Variants in RFX3 observed in about 807,000 individuals in gnomAD.
The protein encoded by RFX3 is transcription factor RFX3.
A neutral mutation model predicts 98.6 loss-of-function variants in RFX3; 14 were observed. That is an observed-to-expected ratio of 0.14 (90% CI 0.09 to 0.22). The LOEUF (loss-of-function observed/expected upper bound fraction) is 0.22, where lower values mean the gene tolerates loss of function less well. Among genes scored for constraint, RFX3 ranks in the 10% least tolerant of loss-of-function variants. The pLI, the probability that RFX3 is intolerant of heterozygous loss-of-function variation, is 1.00. For missense variants in RFX3, 639 were observed against 926.9 expected (o/e 0.69, Z 4.03); for synonymous variants, 383 against 328.4 (o/e 1.17, Z -1.80).
At chr9:3,474,063 T>G (rs867088474) in intron 1 of RFX3, among the ~76,000 whole-genome samples, 3 of 152,186 alleles carry the variant, frequency 2.0e-5, no homozygotes, top group African/African-American at 7.2e-5. Context: ...GAAATTCCCA[T>G]GATGCTGAGG....
chr9:3,451,767 T>C (rs1369282705), intron 1 of RFX3, among the ~76,000 whole-genome samples: 1 of 152,084 alleles, frequency 6.6e-6, no homozygotes, highest in Non-Finnish European at 1.5e-5. Flanking sequence ...GGGAACTCTG[T>C]TTAATATCTT....
chr9:3,398,604 C>T (rs573185344), intron 1 of RFX3, among the ~76,000 whole-genome samples: 1 of 152,120 alleles, frequency 6.6e-6, no homozygotes, highest in Non-Finnish European at 1.5e-5. Context: ...TATAGCTTCT[C>T]CTTTAAGCTG....
intron 11 of RFX3, 81 bp from the exon 12 acceptor site, chr9:3,266,386 C>A: frequency 2.4e-6 from 2 of 827,104 alleles, no homozygotes; most frequent in South Asian, 3.1e-5. Context: ...AGAAAATGCT[C>A]GTACACAATA....
chr9:3,500,080 C>G (rs1182744164), intron 1 of RFX3, among the ~76,000 whole-genome samples: 1 of 151,926 alleles, frequency 6.6e-6, no homozygotes, highest in Non-Finnish European at 1.5e-5. Context: ...CTAAAAGTAC[C>G]CCAGAGCAAC....
At chr9:3,247,320 A>C in intron 15 of RFX3, 1 of 987,198 alleles carries the variant, frequency 1.0e-6, no homozygotes, top group Non-Finnish European at 1.2e-6. Flanking sequence ...TCTGAAGAAG[A>C]GAATTTTCCC....
At chr9:3,235,907 G>T (rs888089041) in intron 15 of RFX3, among the ~76,000 whole-genome samples, 3 of 152,034 alleles carry the variant, frequency 2.0e-5, no homozygotes, top group Non-Finnish European at 4.4e-5. Context: ...ACAGGTTCCA[G>T]GGATTAAGAT....
At position 3,330,335 on chromosome 9, in the gene RFX3, C is replaced by T; in HGVS notation, c.398G>A (p.Gly133Glu). 1 of 1,614,128 alleles carries T rather than the reference C, an allele frequency of 6.2e-7. No homozygotes were observed. Among genetic ancestry groups the T allele is most frequent in the Non-Finnish European group, 8.5e-7 (1 of 1,180,014 alleles). ...CATTGAGTTGCCGATCAGATAGGTT[C>T]CTCCAGAGCTGCTGATGAGTTGTCC... ...TGGQLISSSG[G>E]TYLIGNSMEN... Residue 133 changes from glycine to glutamate, a missense_variant, in exon 4 of 17, where the codon GGA (glycine) becomes GAA (glutamate). By Grantham distance (98) the Gly-to-Glu change is moderately conservative. Coordinates refer to ENST00000617270, the MANE Select transcript of RFX3 (RefSeq NM_001282116.2).
At chr9:3,467,458 T>C (rs1226829083) in intron 1 of RFX3, among the ~76,000 whole-genome samples, 1 of 151,592 alleles carries the variant, frequency 6.6e-6, no homozygotes, top group Non-Finnish European at 1.5e-5. Context: ...ACTGAGAAAG[T>C]ATTTTAAAAC....
intron 1 of RFX3, among the ~76,000 whole-genome samples, chr9:3,491,824 GTATAT>G (rs1850742354): frequency 6.6e-6 from 1 of 152,040 alleles, no homozygotes. Context: ...GTTCCTTCTT[GTATAT>G]TATTCAATTA....
chr9:3,467,460 T>C (rs1279617847), intron 1 of RFX3, among the ~76,000 whole-genome samples: 1 of 151,640 alleles, frequency 6.6e-6, no homozygotes. Flanking sequence ...TGAGAAAGTA[T>C]TTTAAAACCT....
chr9:3,233,154 C>T (rs1818703734), intron 15 of RFX3, among the ~76,000 whole-genome samples: 1 of 152,182 alleles, frequency 6.6e-6, no homozygotes, highest in African/African-American at 2.4e-5. Context: ...ATGCATGCTC[C>T]AGGCAGCCAG....
At position 3,397,278 on chromosome 9, in the gene RFX3, T is replaced by C. The variant is rs191031597; in HGVS notation, c.-8-1682A>G. Among the ~76,000 whole-genome samples the C allele has an allele frequency of 2.1e-4, 32 of 152,364 alleles. No individual in the cohort carries two copies. The East Asian group carries it at 5.0e-3, about 24-fold the overall frequency. On this transcript the variant is annotated intron_variant, in intron 1 of 16. Transcript: ENST00000617270. ...CCTTGCTATTGAGCAAAGACCAGAT[T>C]TCTAGTTTTCTTTCCTGGAGGAATG...
intron 1 of RFX3, among the ~76,000 whole-genome samples, chr9:3,482,279 G>C (rs1000330731): frequency 2.0e-4 from 31 of 151,686 alleles, no homozygotes; most frequent in Admixed American, 1.5e-3. Flanking sequence ...TTGATTTGTA[G>C]GAGAAAAGAG....
At chr9:3,366,717 T>TC (rs756141864) in intron 2 of RFX3, among the ~76,000 whole-genome samples, 1 of 143,706 alleles carries the variant, frequency 7.0e-6, no homozygotes, top group African/African-American at 2.6e-5. Context: ...TTTCTTTCTT[T>TC]CTTTCTTTCT....
intron 2 of RFX3, among the ~76,000 whole-genome samples, chr9:3,353,352 C>CTAAAA (rs940125777): frequency 6.6e-6 from 1 of 151,534 alleles, no homozygotes; most frequent in Non-Finnish European, 1.5e-5. Flanking sequence ...TATAATAATA[C>CTAAAA]TAAAATAAAA....
chr9:3,424,174 C>G (rs1166790017), intron 1 of RFX3, among the ~76,000 whole-genome samples: 1 of 150,910 alleles, frequency 6.6e-6, no homozygotes, highest in East Asian at 2.0e-4. Context: ...AACTAGGAGG[C>G]TGTCCCTGGT....
chr9:3,437,400 T>G (rs550699719), intron 1 of RFX3, among the ~76,000 whole-genome samples: 3 of 152,226 alleles, frequency 2.0e-5, no homozygotes, highest in African/African-American at 7.2e-5. Context: ...TACCACATTC[T>G]GCTTCTTTGA....
At chr9:3,248,259 T>TA (rs975160179) in intron 14 of RFX3, 74 bp from the exon 15 acceptor site, 16 of 1,466,720 alleles carry the variant, frequency 1.1e-5, no homozygotes, top group South Asian at 1.0e-4. Flanking sequence ...TTTTTCCTCT[T>TA]AAAAAAAAGT....
At chr9:3,453,948 G>A (rs1846914274) in intron 1 of RFX3, among the ~76,000 whole-genome samples, 1 of 151,714 alleles carries the variant, frequency 6.6e-6, no homozygotes, top group Non-Finnish European at 1.5e-5. Flanking sequence ...ATTTAACTTG[G>A]GCATCAGTTT....
Sources: allele counts gnomAD v4.1 joint callset (sites outside exome capture counted in the v4.1 genomes callset), GRCh38; gene constraint gnomAD v4.1.1; transcripts MANE v1.5; gene names NCBI Gene and HGNC (gene_info 2026-07-23, HGNC 2026-07-21).